The following WWOX variants were observed in gnomAD, a reference collection of about 807,000 sequenced individuals.
WWOX encodes WW domain containing oxidoreductase, also known as WW domain-containing oxidoreductase.
In WWOX, 69 loss-of-function variants were observed where a neutral mutation model predicts 46.2. The observed-to-expected ratio is 1.49, with a 90% CI of 1.23 to 1.82. The LOEUF (loss-of-function observed/expected upper bound fraction) is 1.82, where lower values mean the gene tolerates loss of function less well. Ranked by LOEUF, WWOX falls within the 40% of genes most tolerant of loss-of-function variation. The pLI is 0.00. For missense variants in WWOX, 919 were observed against 542.6 expected (o/e 1.69, Z -6.89); for synonymous variants, 359 against 202.6 (o/e 1.77, Z -6.56).
intron 8 of WWOX, among the ~76,000 whole-genome samples, chr16:78,766,913 C>A (rs1438253259): frequency 1.3e-5 from 2 of 152,176 alleles, no homozygotes; most frequent in African/African-American, 4.8e-5. Flanking sequence ...TTCATCACAT[C>A]TTTTAAAAAA....
At chr16:78,957,199 G>T (rs1000850247) in intron 8 of WWOX, among the ~76,000 whole-genome samples, 1 of 152,138 alleles carries the variant, frequency 6.6e-6, no homozygotes, top group African/African-American at 2.4e-5. Context: ...CTGAAATGCA[G>T]GGCACACGAC....
chr16:78,821,332 C>A (rs946034749), intron 8 of WWOX, among the ~76,000 whole-genome samples: 1 of 152,132 alleles, frequency 6.6e-6, no homozygotes. Context: ...GGGTCGGAAG[C>A]CAAGCGCCCC....
intron 8 of WWOX, among the ~76,000 whole-genome samples, chr16:78,785,151 C>T (rs1046285278): frequency 6.6e-6 from 1 of 152,134 alleles, no homozygotes; most frequent in Non-Finnish European, 1.5e-5. Context: ...AAAACAATAA[C>T]CAAGTGTGAC....
intron 8 of WWOX, among the ~76,000 whole-genome samples, chr16:78,447,326 A>G (rs564823925): frequency 6.6e-6 from 1 of 152,212 alleles, no homozygotes; most frequent in Non-Finnish European, 1.5e-5. Context: ...ATTTGCTATA[A>G]ATTAGTAAAT....
At chr16:78,406,189 A>G (rs926645950) in intron 6 of WWOX, among the ~76,000 whole-genome samples, 2 of 150,886 alleles carry the variant, frequency 1.3e-5, no homozygotes, top group African/African-American at 2.4e-5. Flanking sequence ...TCAGTTTACT[A>G]TTATTTAATG....
At chr16:78,371,101 G>A (rs2081672614) in intron 5 of WWOX, among the ~76,000 whole-genome samples, 2 of 150,580 alleles carry the variant, frequency 1.3e-5, no homozygotes, top group African/African-American at 2.4e-5. Context: ...ATTAGAGTGT[G>A]TAACATGATC....
intron 8 of WWOX, among the ~76,000 whole-genome samples, chr16:78,795,732 T>A (rs2050719464): frequency 6.6e-6 from 1 of 152,194 alleles, no homozygotes; most frequent in South Asian, 2.1e-4. Context: ...CTCATATTTC[T>A]CAACCTCAGG....
At chr16:78,812,077 C>G (rs149061822) in intron 8 of WWOX, among the ~76,000 whole-genome samples, 173 of 152,174 alleles carry the variant, frequency 1.1e-3, no homozygotes, top group African/African-American at 4.1e-3. Flanking sequence ...TGAAAAGGAT[C>G]AAGTCTCATT....
rs183046118 is a variant in WWOX at position 78,673,201 on chromosome 16, G to C, written c.1056+240449G>C. On this transcript the variant is annotated intron_variant, in intron 8 of 8. Transcript: ENST00000566780. ...GCCCTGTGAGGTGAGATCAGTAGAAGAGTACAATAAAACAGGAATTTTCAG... is the reference window on the plus strand; with the variant it reads ...GCCCTGTGAGGTGAGATCAGTAGAACAGTACAATAAAACAGGAATTTTCAG... Among the ~76,000 whole-genome samples, 9 of 152,320 alleles carry C rather than the reference G, an allele frequency of 5.9e-5. No homozygotes were observed. In the East Asian group the frequency reaches 1.2e-3, roughly 20 times the overall value.
chr16:78,544,317 A>G (rs2043969636), intron 8 of WWOX, among the ~76,000 whole-genome samples: 1 of 152,222 alleles, frequency 6.6e-6, no homozygotes, highest in South Asian at 2.1e-4. Context: ...CCTTAATAAT[A>G]CAATCATAGT....
chr16:79,002,039 A>C (rs1285767346), intron 8 of WWOX, among the ~76,000 whole-genome samples: 1 of 152,066 alleles, frequency 6.6e-6, no homozygotes, highest in East Asian at 1.9e-4. Flanking sequence ...GGGCAACTGG[A>C]ATTTATTGTA....
chr16:78,106,039 C>T (rs1331859505), intron 1 of WWOX, among the ~76,000 whole-genome samples: 4 of 152,036 alleles, frequency 2.6e-5, no homozygotes, highest in Admixed American at 6.5e-5. Context: ...TGGGCTCTAG[C>T]GATCCTCCCG....
intron 6 of WWOX, among the ~76,000 whole-genome samples, chr16:78,392,723 T>C (rs1267790692): frequency 6.6e-6 from 1 of 152,180 alleles, no homozygotes; most frequent in African/African-American, 2.4e-5. Flanking sequence ...ACTTCGTGTT[T>C]AATGTTTTCG....
At chr16:79,208,920 G>A (rs1035819256) in intron 8 of WWOX, among the ~76,000 whole-genome samples, 1 of 152,230 alleles carries the variant, frequency 6.6e-6, no homozygotes, top group African/African-American at 2.4e-5. Flanking sequence ...AGCAAGGGAG[G>A]AAAGTAGAGT....
intron 8 of WWOX, among the ~76,000 whole-genome samples, chr16:79,123,937 A>G (rs1221228169): frequency 2.6e-5 from 4 of 152,208 alleles, no homozygotes; most frequent in Non-Finnish European, 5.9e-5. Context: ...GCTGTATCAA[A>G]TCATGGGCGA....
At chr16:78,154,658 G>A (rs1314626922) in intron 4 of WWOX, among the ~76,000 whole-genome samples, 1 of 152,010 alleles carries the variant, frequency 6.6e-6, no homozygotes, top group East Asian at 1.9e-4. Flanking sequence ...GCAGATCCCT[G>A]AGCCTGCTAC....
chr16:78,932,977 G>C (rs1479026764), intron 8 of WWOX, among the ~76,000 whole-genome samples: 1 of 152,164 alleles, frequency 6.6e-6, no homozygotes, highest in East Asian at 1.9e-4. Context: ...TGAATCAATA[G>C]ACCACGTCCT....
chr16:78,285,655 C>G (rs2079754602), intron 5 of WWOX, among the ~76,000 whole-genome samples: 1 of 152,074 alleles, frequency 6.6e-6, no homozygotes, highest in Non-Finnish European at 1.5e-5. Flanking sequence ...GACAGTGGTA[C>G]CATTCTGACG....
At chr16:78,855,262 A>T (rs2052540188) in intron 8 of WWOX, among the ~76,000 whole-genome samples, 1 of 152,212 alleles carries the variant, frequency 6.6e-6, no homozygotes, top group Non-Finnish European at 1.5e-5. Context: ...AGTACTAAAT[A>T]ATAAATTATA....
Sources: gnomAD v4.1 joint callset for allele counts (sites outside exome capture counted in the v4.1 genomes callset) on GRCh38, gnomAD v4.1.1 for gene constraint, MANE v1.5 for transcripts, NCBI Gene and HGNC (gene_info 2026-07-23, HGNC 2026-07-21) for gene names.